CRB1: variants seen among roughly 807,000 people sequenced by gnomAD.
The protein encoded by CRB1 is protein crumbs homolog 1.
In CRB1, 83 loss-of-function variants were observed where a neutral mutation model predicts 120.0. That is an observed-to-expected ratio of 0.69 (90% confidence interval 0.58 to 0.83). The LOEUF (loss-of-function observed/expected upper bound fraction) is 0.83. Among genes scored for constraint, CRB1 ranks in the 40% least tolerant of loss-of-function variants. The pLI is 0.00. For missense variants in CRB1, 1,699 were observed against 1,687.6 expected (o/e 1.01, Z -0.12); for synonymous variants, 625 against 612.5 (o/e 1.02, Z -0.30).
intron 5 of CRB1, chr1:197,414,017 T>G (rs1379398537): frequency 2.2e-6 from 1 of 448,780 alleles, no homozygotes; most frequent in Non-Finnish European, 4.5e-6. Flanking sequence ...AACTCTCTTC[T>G]TATATACGCT....
chr1:197,379,111 G>T (rs1006854036), intron 5 of CRB1, among the ~76,000 whole-genome samples: 2 of 152,180 alleles, frequency 1.3e-5, no homozygotes, highest in African/African-American at 4.8e-5. Context: ...TGGAATTCTT[G>T]AGTGGTTGGT....
chr1:197,375,267 A>T (rs1661585506), intron 5 of CRB1, among the ~76,000 whole-genome samples: 1 of 152,200 alleles, frequency 6.6e-6, no homozygotes, highest in Non-Finnish European at 1.5e-5. Context: ...AGCAGACTGC[A>T]TGAGTATCAT....
chr1:197,325,345 T>G (rs1323256438), intron 1 of CRB1, among the ~76,000 whole-genome samples: 2 of 152,226 alleles, frequency 1.3e-5, no homozygotes, highest in Non-Finnish European at 2.9e-5. Context: ...GCATTGTTTA[T>G]ACCTTCTATT....
At chr1:197,375,811 A>C (rs1486010661) in intron 5 of CRB1, among the ~76,000 whole-genome samples, 2 of 152,116 alleles carry the variant, frequency 1.3e-5, no homozygotes, top group East Asian at 3.9e-4. Flanking sequence ...CTCTGGAAAA[A>C]AAATGCTCCT....
At chr1:197,308,683 T>C (rs983994283) in intron 1 of CRB1, among the ~76,000 whole-genome samples, 2 of 151,984 alleles carry the variant, frequency 1.3e-5, no homozygotes, top group Admixed American at 6.6e-5. Flanking sequence ...AGTTGTATGA[T>C]GAGGATTAAA....
At chr1:197,378,711 A>G (rs889018181) in intron 5 of CRB1, among the ~76,000 whole-genome samples, 5 of 140,270 alleles carry the variant, frequency 3.6e-5, no homozygotes, top group African/African-American at 1.3e-4. Context: ...TGCTTTTTTC[A>G]AAGAGTTTCT....
chr1:197,256,380 A>G, the CRB1 span, among the ~76,000 whole-genome samples: 4 of 151,728 alleles, frequency 2.6e-5, no homozygotes, highest in Non-Finnish European at 5.9e-5. Flanking sequence ...AACTCCTCTT[A>G]CCCACTAAGT....
intron 2 of CRB1, among the ~76,000 whole-genome samples, chr1:197,337,929 T>C (rs1659247823): frequency 6.6e-6 from 1 of 151,994 alleles, no homozygotes; most frequent in Non-Finnish European, 1.5e-5. Flanking sequence ...ATAGTAATTA[T>C]CCTAATGAAG....
Position 197,427,577 on chromosome 1 carries a change from T to C in CRB1, c.2252T>C (p.Leu751Ser). 6.2e-7 allele frequency: 1 copy of C among 1,614,016 alleles called. No homozygotes were observed. Among genetic ancestry groups the C allele is most frequent in the Non-Finnish European group, 8.5e-7 (1 of 1,179,980 alleles). The stretch of plus-strand genomic sequence containing the variant: ...GTCCGAACGCTTCAACCATCAGGCT[T>C]ACTTCTAGCTTTGGAAAACAGCACT... ...MFVRTLQPSG[L>S]LLALENSTYQ... The change falls in exon 7 of 12, where the codon TTA becomes TCA. Residue 751 changes from leucine to serine, a missense_variant. Transcript: ENST00000367400.
chr1:197,241,613 A>G, the CRB1 span, among the ~76,000 whole-genome samples: 3 of 151,604 alleles, frequency 2.0e-5, no homozygotes, highest in Non-Finnish European at 2.9e-5. Flanking sequence ...GGCTTGTAGT[A>G]TAGTTTGAAG....
intron 5 of CRB1, among the ~76,000 whole-genome samples, chr1:197,371,178 C>T (rs572891949): frequency 9.2e-5 from 14 of 152,228 alleles, no homozygotes; most frequent in African/African-American, 3.1e-4. Flanking sequence ...ATAATTATTC[C>T]CTTGCATATA....
intron 11 of CRB1, among the ~76,000 whole-genome samples, chr1:197,462,886 A>G (rs2125550590): frequency 5.4e-5 from 1 of 18,576 alleles, no homozygotes; most frequent in East Asian, 2.2e-3. Flanking sequence ...GCCAATGCAG[A>G]TCTTTTTTTT....
At chr1:197,414,709 A>G (rs368286683) in intron 5 of CRB1, among the ~76,000 whole-genome samples, 3 of 152,290 alleles carry the variant, frequency 2.0e-5, no homozygotes, top group East Asian at 1.9e-4. Context: ...AATGGCCCCA[A>G]TGGTCCCATA....
In CRB1 at chr1:197,279,106, G is replaced by A. The variant is rs568159422; in HGVS notation, c.70+10624G>A. Among the ~76,000 whole-genome samples the A allele has an allele frequency of 3.9e-5, 6 of 152,000 alleles. No homozygotes were observed. The East Asian group carries it at 1.2e-3, about 30-fold the overall frequency. ...GAAATTATTAGCCCTAATGAAAGTA[G>A]TTATATTTTGAGGTTACGGTCAACT... On this transcript the variant is annotated intron_variant, in intron 1 of 11. Transcript: ENST00000367400.
chr1:197,381,582 T>A (rs1661960348), intron 5 of CRB1, among the ~76,000 whole-genome samples: 1 of 152,200 alleles, frequency 6.6e-6, no homozygotes, highest in African/African-American at 2.4e-5. Flanking sequence ...TTGTTCTTTG[T>A]AGTAAATTCT....
At chr1:197,236,464 G>A in the CRB1 span, among the ~76,000 whole-genome samples, 1 of 152,118 alleles carries the variant, frequency 6.6e-6, no homozygotes, top group Non-Finnish European at 1.5e-5. Context: ...CTCCCAAAGT[G>A]CTGGGATTAT....
chr1:197,356,301 C>T (rs1660477627), intron 4 of CRB1, among the ~76,000 whole-genome samples: 3 of 152,174 alleles, frequency 2.0e-5, no homozygotes, highest in Non-Finnish European at 4.4e-5. Flanking sequence ...TATAAAGTGA[C>T]AAATCATGTT....
intron 5 of CRB1, among the ~76,000 whole-genome samples, chr1:197,415,904 G>T (rs1182751999): frequency 6.6e-6 from 1 of 151,878 alleles, no homozygotes; most frequent in Non-Finnish European, 1.5e-5. Flanking sequence ...GGCTTCCCAA[G>T]GTTCTGGCAT....
At chr1:197,377,387 T>C (rs1247293355) in intron 5 of CRB1, among the ~76,000 whole-genome samples, 1 of 152,172 alleles carries the variant, frequency 6.6e-6, no homozygotes, top group African/African-American at 2.4e-5. Flanking sequence ...AATCAATCAG[T>C]TGAAGCTTGA....
Sources: allele counts gnomAD v4.1 joint callset (sites outside exome capture counted in the v4.1 genomes callset), GRCh38; gene constraint gnomAD v4.1.1; transcripts MANE v1.5; gene names NCBI Gene and HGNC (gene_info 2026-07-23, HGNC 2026-07-21).